Variants in DAB1 observed in about 807,000 individuals in gnomAD.
DAB1 encodes the protein disabled homolog 1.
DAB1 carries 15 observed loss-of-function variants against 64.6 expected under a neutral mutation model. The observed-to-expected ratio is 0.23, with a 90% CI of 0.16 to 0.36. DAB1 has a LOEUF of 0.36. DAB1 is among the 10% of genes least tolerant of loss of function. The probability of loss-of-function intolerance (pLI) is 1.00; values close to 1 mark genes in which losing one functional copy is unlikely to be tolerated. For synonymous variants in DAB1, 235 were observed against 251.9 expected, an observed-to-expected ratio of 0.93 and a Z score of 0.64; for missense variants, 596 against 706.7, an observed-to-expected ratio of 0.84 and a Z score of 1.78.
At chr1:58,243,943 A>AAC (rs1553170041) in intron 4 of DAB1, among the ~76,000 whole-genome samples, 1 of 152,148 alleles carries the variant, frequency 6.6e-6, no homozygotes, top group African/African-American at 2.4e-5. Flanking sequence ...ATGAAAAAAA[A>AAC]ACACACACAC....
chr1:58,292,875 T>C (rs1239783429), intron 4 of DAB1, among the ~76,000 whole-genome samples: 1 of 152,218 alleles, frequency 6.6e-6, no homozygotes, highest in Non-Finnish European at 1.5e-5. Context: ...AGTCAGTCTC[T>C]GTGCTTGGCA....
At chr1:57,449,206 C>T (rs1466538988) in intron 7 of DAB1, among the ~76,000 whole-genome samples, 1 of 152,104 alleles carries the variant, frequency 6.6e-6, no homozygotes, top group African/African-American at 2.4e-5. Flanking sequence ...TATGATAGAA[C>T]ATGAAACGTA....
chr1:58,445,238 C>A (rs1645052749), intron 3 of DAB1, among the ~76,000 whole-genome samples: 1 of 152,216 alleles, frequency 6.6e-6, no homozygotes, highest in Admixed American at 6.5e-5. Context: ...AAACACATGG[C>A]ACAATTTCTA....
At chr1:58,349,488 C>T (rs183655769) in intron 3 of DAB1, among the ~76,000 whole-genome samples, 12 of 151,544 alleles carry the variant, frequency 7.9e-5, no homozygotes, top group African/African-American at 2.2e-4. Context: ...ATTTTAAGTT[C>T]GGGGTACATG....
intron 7 of DAB1, among the ~76,000 whole-genome samples, chr1:57,533,699 T>G (rs1644692941): frequency 6.6e-6 from 1 of 150,774 alleles, no homozygotes; most frequent in South Asian, 2.1e-4. Context: ...CATGTATGAC[T>G]TTTTTTTTAA....
intron 4 of DAB1, among the ~76,000 whole-genome samples, chr1:57,086,707 G>C (rs512191): frequency 4.0e-5 from 6 of 149,372 alleles, no homozygotes; most frequent in Non-Finnish European, 7.4e-5. Context: ...CCTGAATGGC[G>C]GGGGGAGGGG....
intron 5 of DAB1, among the ~76,000 whole-genome samples, chr1:58,076,759 T>C (rs1373973620): frequency 6.6e-6 from 1 of 152,224 alleles, no homozygotes; most frequent in African/African-American, 2.4e-5. Context: ...TCCTCCTCGC[T>C]GCCCTCAAAA....
At chr1:57,781,471 A>G (rs541465335) in intron 6 of DAB1, among the ~76,000 whole-genome samples, 13 of 151,968 alleles carry the variant, frequency 8.6e-5, no homozygotes, top group Non-Finnish European at 1.6e-4. Context: ...TATTCCTGGC[A>G]TTCTACTAAA....
At chr1:57,606,651 T>G (rs59398317) in intron 7 of DAB1, among the ~76,000 whole-genome samples, 1 of 76,260 alleles carries the variant, frequency 1.3e-5, no homozygotes, top group South Asian at 4.4e-4. Flanking sequence ...GAAATATATA[T>G]TATGTATGAA....
chr1:57,454,948 G>A (rs915811742), intron 7 of DAB1, among the ~76,000 whole-genome samples: 8 of 152,144 alleles, frequency 5.3e-5, no homozygotes, highest in South Asian at 2.1e-4. Context: ...TGCTGTAAGT[G>A]CTTTAATAAA....
intron 5 of DAB1, among the ~76,000 whole-genome samples, chr1:58,049,698 GTCT>G (rs1301924429): frequency 6.6e-6 from 1 of 152,070 alleles, no homozygotes; most frequent in African/African-American, 2.4e-5. Context: ...TTAGATTTTA[GTCT>G]TCTTATCTGA....
intron 4 of DAB1, among the ~76,000 whole-genome samples, chr1:58,167,714 A>G (rs1441692997): frequency 2.0e-5 from 3 of 152,202 alleles, no homozygotes; most frequent in Non-Finnish European, 4.4e-5. Flanking sequence ...TCATTCCTGA[A>G]GTCAGTGAAA....
At chr1:58,369,906 T>C (rs1411844074) in intron 3 of DAB1, among the ~76,000 whole-genome samples, 2 of 152,230 alleles carry the variant, frequency 1.3e-5, no homozygotes, top group Non-Finnish European at 2.9e-5. Context: ...AATATGATCA[T>C]GTCAAGTACC....
intron 7 of DAB1, among the ~76,000 whole-genome samples, chr1:57,580,065 A>G (rs1645295340): frequency 6.6e-6 from 1 of 152,110 alleles, no homozygotes; most frequent in Non-Finnish European, 1.5e-5. Context: ...GGGTAATTCC[A>G]ACGTGCTCTG....
At position 58,463,001 on chromosome 1, in the gene DAB1, C is replaced by T. The variant is rs116461314; in HGVS notation, n.257+43059G>A. On this transcript the variant is annotated intron_variant and non_coding_transcript_variant, in intron 3 of 20. Transcript: ENST00000485760. ...TTTATCTCATAGGATGATTGTAAGA[C>T]TCAAATGAAATGGTGAAAAAGTGCT... is the stretch of plus-strand genomic sequence containing the variant. 8.2e-3 allele frequency among the ~76,000 whole-genome samples: 1,247 copies of T among 152,236 alleles called. 27 individuals carry two copies. The highest frequency in any genetic ancestry group is 0.028 in the African/African-American group (1,182 of 41,524).
At chr1:57,804,202 G>A (rs1164644696) in intron 6 of DAB1, among the ~76,000 whole-genome samples, 1 of 152,196 alleles carries the variant, frequency 6.6e-6, no homozygotes, top group Non-Finnish European at 1.5e-5. Context: ...CAGGGTTAGT[G>A]TGAGATTCAC....
intron 12 of DAB1, among the ~76,000 whole-genome samples, chr1:57,011,852 G>A (rs183824359): frequency 4.6e-5 from 7 of 152,294 alleles, no homozygotes; most frequent in Non-Finnish European, 7.4e-5. Context: ...CATGGCAACT[G>A]GTAGAACCAG....
At chr1:58,522,080 T>C (rs1646273533) in intron 2 of DAB1, among the ~76,000 whole-genome samples, 1 of 152,070 alleles carries the variant, frequency 6.6e-6, no homozygotes, top group Non-Finnish European at 1.5e-5. Context: ...TCCCCAAAAA[T>C]GCAACTTAAC....
At chr1:57,479,865 A>G (rs1412166007) in intron 7 of DAB1, among the ~76,000 whole-genome samples, 1 of 152,172 alleles carries the variant, frequency 6.6e-6, no homozygotes, top group Non-Finnish European at 1.5e-5. Context: ...AGAAAGACAA[A>G]GCCAGGGGCC....
Sources: allele counts gnomAD v4.1 joint callset (sites outside exome capture counted in the v4.1 genomes callset), GRCh38; gene constraint gnomAD v4.1.1; transcripts MANE v1.5; gene names NCBI Gene and HGNC (gene_info 2026-07-23, HGNC 2026-07-21).